TCF4: variants seen among roughly 807,000 people sequenced by gnomAD.
TCF4 encodes the protein SL3-3 enhancer factor 2.
A neutral mutation model predicts 82.1 loss-of-function variants in TCF4; 3 were observed. The observed-to-expected ratio is 0.04, with a 90% CI of 0.02 to 0.09. The LOEUF is 0.09. Among genes scored for constraint, TCF4 ranks in the 10% least tolerant of loss-of-function variants. The pLI, the probability that TCF4 is intolerant of heterozygous loss-of-function variation, is 1.00. For missense variants in TCF4, 518 were observed against 852.7 expected (o/e 0.61, Z 4.89); for synonymous variants, 276 against 309.6 (o/e 0.89, Z 1.14).
At chr18:55,362,140 C>G (rs146274302) in intron 6 of TCF4, among the ~76,000 whole-genome samples, 17 of 152,102 alleles carry the variant, frequency 1.1e-4, no homozygotes, top group African/African-American at 3.9e-4. Context: ...TTCAGAACTT[C>G]AGCTCTAGTC....
At chr18:55,420,543 A>T (rs2094697101) in intron 5 of TCF4, among the ~76,000 whole-genome samples, 1 of 151,982 alleles carries the variant, frequency 6.6e-6, no homozygotes, top group South Asian at 2.1e-4. Context: ...CACACTGACA[A>T]CAAAAGCAAG....
In TCF4 at chr18:55,331,528, T is replaced by G. The variant is rs1026418657; in HGVS notation, c.549+18831A>C. ...TGAGTGAATGAGGAACAAAAAGAGA[T>G]TTATTTCCTTCCTTTCCACAACAAC... On this transcript the variant is annotated intron_variant, in intron 8 of 19. Transcript: ENST00000354452. Among the ~76,000 whole-genome samples, 8 of 152,138 alleles carry G rather than the reference T, an allele frequency of 5.3e-5. No individual in the cohort carries two copies. The South Asian group carries it at 1.7e-3, about 31-fold the overall frequency.
chr18:55,421,493 A>G (rs2094755364), intron 5 of TCF4, among the ~76,000 whole-genome samples: 1 of 152,226 alleles, frequency 6.6e-6, no homozygotes, highest in African/African-American at 2.4e-5. Context: ...ATGCTGGGCT[A>G]GCAACTTTGG....
At chr18:55,565,257 C>A (rs1274239605) in intron 3 of TCF4, among the ~76,000 whole-genome samples, 1 of 150,580 alleles carries the variant, frequency 6.6e-6, no homozygotes, top group Admixed American at 6.6e-5. Context: ...AAAAGTATGA[C>A]AATACACCCA....
chr18:55,361,842 T>C (rs919474836), intron 6 of TCF4, among the ~76,000 whole-genome samples: 2 of 152,196 alleles, frequency 1.3e-5, no homozygotes, highest in African/African-American at 4.8e-5. Flanking sequence ...TTATTTAATA[T>C]GAAGAACCCC....
rs114597253 is a variant in TCF4, at chr18:55,516,578, C to T, written c.146-52441G>A. 4.1e-3 allele frequency among the ~76,000 whole-genome samples: 630 copies of T among 152,060 alleles called. 4 individuals carry two copies. The highest frequency in any genetic ancestry group is 0.014 in the African/African-American group (585 of 41,494). On this transcript the variant is annotated intron_variant, in intron 3 of 19. Coordinates refer to ENST00000354452, the MANE Select transcript of TCF4 (RefSeq NM_001083962.2). ...ATGGAGAAAAACTAAGTAGGAAACA[C>T]GATGGTGAGCATTAGAAGAGGAAAT...
intron 3 of TCF4, among the ~76,000 whole-genome samples, chr18:55,506,043 T>A (rs935393905): frequency 6.6e-6 from 1 of 152,220 alleles, no homozygotes; most frequent in African/African-American, 2.4e-5. Flanking sequence ...GACACCTCTT[T>A]GAGAAATGGT....
At chr18:55,437,261 C>A (rs912699878) in intron 5 of TCF4, among the ~76,000 whole-genome samples, 2 of 152,288 alleles carry the variant, frequency 1.3e-5, no homozygotes, top group Admixed American at 1.3e-4. Flanking sequence ...CTACCACATA[C>A]GTATGATGTT....
chr18:55,438,684 A>G (rs1012894823), intron 5 of TCF4, among the ~76,000 whole-genome samples: 2 of 152,192 alleles, frequency 1.3e-5, no homozygotes, highest in African/African-American at 4.8e-5. Context: ...ACTTTTGGCC[A>G]TGGGAACAAG....
intron 3 of TCF4, among the ~76,000 whole-genome samples, chr18:55,524,938 C>T (rs1435885118): frequency 1.3e-5 from 2 of 152,196 alleles, no homozygotes; most frequent in African/African-American, 4.8e-5. Context: ...AAATGAACAG[C>T]TGTGTGTGAC....
intron 10 of TCF4, among the ~76,000 whole-genome samples, chr18:55,270,691 C>T (rs2060165874): frequency 6.6e-6 from 1 of 152,078 alleles, no homozygotes; most frequent in African/African-American, 2.4e-5. Flanking sequence ...TAAGACTCTG[C>T]TTTGAGTTTA....
chr18:55,425,862 C>T (rs1174271530), intron 5 of TCF4, among the ~76,000 whole-genome samples: 1 of 152,180 alleles, frequency 6.6e-6, no homozygotes, highest in Non-Finnish European at 1.5e-5. Flanking sequence ...TCAGGTGCTA[C>T]AGCTCAGCTT....
At chr18:55,296,626 G>A (rs552786968) in intron 8 of TCF4, among the ~76,000 whole-genome samples, 1 of 152,168 alleles carries the variant, frequency 6.6e-6, no homozygotes, top group Admixed American at 6.5e-5. Flanking sequence ...AAAATGATAC[G>A]TTTCTTCTGT....
rs1328464386 is a variant in TCF4 at position 55,503,183 on chromosome 18, AAT to A, written c.146-39048_146-39047del. On this transcript the variant is annotated intron_variant, in intron 3 of 19. Coordinates refer to ENST00000354452, the MANE Select transcript of TCF4 (RefSeq NM_001083962.2). Reference sequence around the variant, plus strand: ...GTGATCCTCACCAACAAAACAAAATAATTTAGTTATTTGTGTCAAACTTTGAA... The same window carrying A: ...GTGATCCTCACCAACAAAACAAAATATTAGTTATTTGTGTCAAACTTTGAA... Among the ~76,000 whole-genome samples the A allele has an allele frequency of 3.9e-5, 6 of 152,240 alleles. No homozygotes were observed. The South Asian group carries it at 1.2e-3, about 31-fold the overall frequency.
intron 3 of TCF4, among the ~76,000 whole-genome samples, chr18:55,524,043 T>G (rs2096956653): frequency 1.3e-5 from 2 of 152,132 alleles, no homozygotes; most frequent in Non-Finnish European, 2.9e-5. Flanking sequence ...ACATGCAGAT[T>G]TAATAATTTT....
chr18:55,284,433 A>C (rs1323004601), intron 8 of TCF4: 1 of 152,224 alleles, frequency 6.6e-6, no homozygotes, highest in Non-Finnish European at 1.5e-5. Context: ...AGAAAAAAGA[A>C]AAAAAGATAA....
At chr18:55,256,885 C>G (rs2145583398) in intron 14 of TCF4, among the ~76,000 whole-genome samples, 1 of 152,250 alleles carries the variant, frequency 6.6e-6, no homozygotes, top group Non-Finnish European at 1.5e-5. Flanking sequence ...ACGAAGGATA[C>G]CACTGGGTTT....
intron 8 of TCF4, among the ~76,000 whole-genome samples, chr18:55,294,498 G>A (rs1052180782): frequency 6.6e-6 from 1 of 152,098 alleles, no homozygotes. Context: ...GAATTTTAGT[G>A]TTGAAGGGAA....
rs1239872287 is a variant in TCF4, at chr18:55,279,534, A to C, written c.655+17T>G. 1 of 1,613,592 alleles carries C rather than the reference A, an allele frequency of 6.2e-7. No homozygotes were observed. Among genetic ancestry groups the C allele is most frequent in the African/African-American group, 1.3e-5 (1 of 74,876 alleles). On this transcript the variant is annotated intron_variant, in intron 9 of 19. Coordinates refer to ENST00000354452, the MANE Select transcript of TCF4 (RefSeq NM_001083962.2). ...TGCTATCCAGTGGCCTTTCCCTCAGAAGCAGCAGCATCTTACCTTGCATGA... is the reference window on the plus strand; with the variant it reads ...TGCTATCCAGTGGCCTTTCCCTCAGCAGCAGCAGCATCTTACCTTGCATGA...
Sources: allele counts gnomAD v4.1 joint callset (sites outside exome capture counted in the v4.1 genomes callset), GRCh38; gene constraint gnomAD v4.1.1; transcripts MANE v1.5; gene names NCBI Gene and HGNC (gene_info 2026-07-23, HGNC 2026-07-21).